Variants in RPTOR observed in about 807,000 individuals in gnomAD.
RPTOR encodes regulatory associated protein of MTOR complex 1.
In RPTOR, 21 loss-of-function variants were observed where a neutral mutation model predicts 169.9. That is an observed-to-expected ratio of 0.12 (90% CI 0.09 to 0.18). The LOEUF is 0.18. Ranked by LOEUF, RPTOR falls within the 10% of genes least tolerant of loss-of-function variation. RPTOR has a pLI of 1.00. For missense variants in RPTOR, 1,133 were observed against 1,855.9 expected (o/e 0.61, Z 7.16); for synonymous variants, 732 against 753.2 (o/e 0.97, Z 0.46).
In RPTOR at chr17:80,744,613, C is replaced by T. The variant is rs1310413978; in HGVS notation, c.655-9397C>T. On this transcript the variant is annotated intron_variant, in intron 5 of 33. Coordinates refer to ENST00000306801, the MANE Select transcript of RPTOR (RefSeq NM_020761.3). Reference sequence around the variant, plus strand: ...AGCACTGTCCTGGTTACTAGCACAGCCCTGGTTACTAGCAGAGCCCTGGCT... The same window carrying T: ...AGCACTGTCCTGGTTACTAGCACAGTCCTGGTTACTAGCAGAGCCCTGGCT... Among the ~76,000 whole-genome samples, 8 of 37,664 alleles carry T rather than the reference C, an allele frequency of 2.1e-4. 1 individual carries two copies. Among genetic ancestry groups the T allele is most frequent in the South Asian group, 1.5e-3 (2 of 1,352 alleles). The allele number at this position is 37,664 out of a possible 152,430, so 24.7% of individuals were successfully genotyped here.
At chr17:80,848,544 C>G (rs2143720575) in intron 11 of RPTOR, among the ~76,000 whole-genome samples, 1 of 152,364 alleles carries the variant, frequency 6.6e-6, no homozygotes, top group South Asian at 2.1e-4. Context: ...CACGTTTTCC[C>G]TTCGTGCGAC....
chr17:80,905,579 G>A (rs1321913186), intron 20 of RPTOR, among the ~76,000 whole-genome samples: 3 of 150,202 alleles, frequency 2.0e-5, no homozygotes, highest in Non-Finnish European at 4.4e-5. Context: ...CTGGGCGACA[G>A]AGCGAGACTC....
chr17:80,898,926 G>A (rs1009526592), intron 20 of RPTOR, among the ~76,000 whole-genome samples: 2 of 152,016 alleles, frequency 1.3e-5, no homozygotes, highest in Admixed American at 1.3e-4. Context: ...CATCCGCCAA[G>A]GCAGTTCCCA....
intron 24 of RPTOR, among the ~76,000 whole-genome samples, chr17:80,925,917 GC>G (rs1272246083): frequency 6.6e-6 from 1 of 152,214 alleles, no homozygotes; most frequent in Admixed American, 6.5e-5. Flanking sequence ...CCTAACAAGC[GC>G]CGTGTGCTGT....
At chr17:80,872,357 C>T (rs1044782272) in intron 13 of RPTOR, among the ~76,000 whole-genome samples, 1 of 152,270 alleles carries the variant, frequency 6.6e-6, no homozygotes, top group Admixed American at 6.5e-5. Flanking sequence ...CGGGCAGATT[C>T]CAACACACCC....
chr17:80,962,823 G>T, intron 32 of RPTOR, 105 bp from the exon 33 acceptor site: 1 of 1,550,468 alleles, frequency 6.4e-7, no homozygotes, highest in Non-Finnish European at 8.7e-7. Flanking sequence ...GAGCCAGCCT[G>T]TCCCCGTGGT....
chr17:80,742,050 C>G (rs772279267), intron 5 of RPTOR, among the ~76,000 whole-genome samples: 5 of 152,132 alleles, frequency 3.3e-5, no homozygotes, highest in South Asian at 2.1e-4. Context: ...TTTGTGCACA[C>G]GGGGCCATTG....
chr17:80,963,814 G>A lies in RPTOR; in HGVS notation c.3940-448G>A, dbSNP rs80323250. On this transcript the variant is annotated intron_variant, in intron 33 of 33. Coordinates refer to ENST00000306801, the MANE Select transcript of RPTOR (RefSeq NM_020761.3). ...CCCCTCTGCGGCCCTCACCCCGTCC[G>A]CTGTGCGGCCGAGTCCTCACCCTGT... Among the ~76,000 whole-genome samples, 26 of 85,286 alleles carry A rather than the reference G, an allele frequency of 3.0e-4. No individual in the cohort carries two copies. The South Asian group carries it at 4.6e-3, about 15-fold the overall frequency. 56.0% of individuals were successfully genotyped at this position (85,286 alleles called of 152,430 possible).
intron 2 of RPTOR, among the ~76,000 whole-genome samples, chr17:80,634,524 C>CCGTG (rs2065479365): frequency 8.5e-6 from 1 of 117,542 alleles, no homozygotes. Flanking sequence ...TGTGTGCGTA[C>CCGTG]TGTGTGCATG....
chr17:80,800,974 G>A (rs550329379), intron 7 of RPTOR, among the ~76,000 whole-genome samples: 1 of 152,214 alleles, frequency 6.6e-6, no homozygotes, highest in Middle Eastern at 3.2e-3. Context: ...CTGGTAGCAC[G>A]GCTGCCCCGT....
At chr17:80,681,641 C>T (rs571830329) in intron 3 of RPTOR, among the ~76,000 whole-genome samples, 1 of 127,902 alleles carries the variant, frequency 7.8e-6, no homozygotes, top group Non-Finnish European at 1.7e-5. Flanking sequence ...ATGAGGTGTA[C>T]GTCTCTTACA....
chr17:80,594,465 G>A (rs1324432045), intron 1 of RPTOR, among the ~76,000 whole-genome samples: 1 of 152,192 alleles, frequency 6.6e-6, no homozygotes, highest in Non-Finnish European at 1.5e-5. Context: ...ATTAAAGGTG[G>A]ACTTTCTCTG....
chr17:80,946,935 C>T (rs2069111099), intron 26 of RPTOR, among the ~76,000 whole-genome samples: 1 of 152,260 alleles, frequency 6.6e-6, no homozygotes, highest in Non-Finnish European at 1.5e-5. Context: ...CCCACCCGCA[C>T]AGCCTGTGGC....
chr17:80,775,329 T>C (rs142490928), intron 6 of RPTOR, among the ~76,000 whole-genome samples: 13 of 152,286 alleles, frequency 8.5e-5, no homozygotes, highest in Non-Finnish European at 1.2e-4. Context: ...CAGGATAGTC[T>C]CAAACTCCTG....
intron 11 of RPTOR, 46 bp from the exon 12 acceptor site, chr17:80,855,401 AGCGTTTCGGGGTTGCAC>A: frequency 1.6e-6 from 2 of 1,228,158 alleles, no homozygotes; most frequent in Non-Finnish European, 2.4e-6. Context: ...CTCATGCAGC[AGCGTTTCGGGGTTGCAC>A]ACCAGTATGG....
intron 21 of RPTOR, among the ~76,000 whole-genome samples, chr17:80,920,291 A>G (rs1048684542): frequency 2.6e-5 from 4 of 152,218 alleles, no homozygotes; most frequent in South Asian, 2.1e-4. Flanking sequence ...GTAAATGTTG[A>G]ACAAATAAGA....
In RPTOR at chr17:80,562,582, G is replaced by A. The variant is rs370104952; in HGVS notation, c.162+16791G>A. On this transcript the variant is annotated intron_variant, in intron 1 of 33. Coordinates refer to ENST00000306801, the MANE Select transcript of RPTOR (RefSeq NM_020761.3). This position sits in a 1 kb window ranked among gnomAD's most constrained non-coding sequence, Gnocchi z 4.4. Reference sequence around the variant, plus strand: ...ACGGATCACTTGAAGTCAGGAGTTCGAGACCAGCCTGGCCAACATGGCGAA... The same window carrying A: ...ACGGATCACTTGAAGTCAGGAGTTCAAGACCAGCCTGGCCAACATGGCGAA... Among the ~76,000 whole-genome samples, 23 of 152,234 alleles carry A rather than the reference G, an allele frequency of 1.5e-4. No homozygotes were observed. In the East Asian group the frequency reaches 3.1e-3, roughly 20 times the overall value.
chr17:80,733,335 G>A (rs766743922), intron 5 of RPTOR, among the ~76,000 whole-genome samples: 10 of 152,240 alleles, frequency 6.6e-5, no homozygotes, highest in East Asian at 1.9e-4. Context: ...AAGTCTCTCC[G>A]CTTTCAGTCT....
chr17:80,753,860 C>A, intron 5 of RPTOR, 150 bp from the exon 6 acceptor site: 1 of 734,504 alleles, frequency 1.4e-6, no homozygotes, highest in Non-Finnish European at 2.3e-6. Context: ...GACAGTTCAG[C>A]AGCGACGCCT....
Sources: allele counts gnomAD v4.1 joint callset (sites outside exome capture counted in the v4.1 genomes callset), GRCh38; gene constraint gnomAD v4.1.1; non-coding constraint Gnocchi (gnomAD v3.1); transcripts MANE v1.5; gene names NCBI Gene and HGNC (gene_info 2026-07-23, HGNC 2026-07-21).